GBE1: variants seen among roughly 807,000 people sequenced by gnomAD.
The protein encoded by GBE1 is 1,4-alpha-glucan branching enzyme 1.
GBE1 carries 70 observed loss-of-function variants against 88.8 expected under a neutral mutation model. That is an observed-to-expected ratio of 0.79 (90% CI 0.65 to 0.96). The LOEUF is 0.96. Ranked by LOEUF, GBE1 falls within the 40% of genes least tolerant of loss-of-function variation. The pLI, the probability that GBE1 is intolerant of heterozygous loss-of-function variation, is 0.00. For synonymous variants in GBE1, 284 were observed against 300.1 expected, an observed-to-expected ratio of 0.95 and a Z score of 0.56; for missense variants, 872 against 871.0, an observed-to-expected ratio of 1.00 and a Z score of -0.01.
intron 12 of GBE1, among the ~76,000 whole-genome samples, chr3:81,563,453 G>T (rs1428001540): frequency 6.6e-6 from 1 of 152,122 alleles, no homozygotes; most frequent in Non-Finnish European, 1.5e-5. Flanking sequence ...ATAAAGTGAG[G>T]CTGTCACTCA....
chr3:81,588,338 A>G (rs1418847470), intron 9 of GBE1, among the ~76,000 whole-genome samples: 1 of 152,168 alleles, frequency 6.6e-6, no homozygotes, highest in Non-Finnish European at 1.5e-5. Context: ...ATCAGGCACC[A>G]TATTAGGAAC....
chr3:81,543,452 T>C (rs1327924476), intron 12 of GBE1, among the ~76,000 whole-genome samples: 1 of 151,998 alleles, frequency 6.6e-6, no homozygotes, highest in East Asian at 1.9e-4. Context: ...ATAAAATAAA[T>C]GGAAGCAAAT....
intron 2 of GBE1, among the ~76,000 whole-genome samples, chr3:81,695,106 A>T (rs911050170): frequency 2.0e-5 from 3 of 152,210 alleles, no homozygotes; most frequent in African/African-American, 7.2e-5. Context: ...CTACATTTTA[A>T]TCCCCTCAAC....
chr3:81,546,663 G>A (rs760218996), intron 12 of GBE1, among the ~76,000 whole-genome samples: 3 of 151,520 alleles, frequency 2.0e-5, no homozygotes, highest in Non-Finnish European at 3.0e-5. Context: ...AAATGCCATG[G>A]CAACATCAGG....
intron 7 of GBE1, among the ~76,000 whole-genome samples, chr3:81,599,845 A>T (rs749547691): frequency 6.6e-6 from 1 of 152,244 alleles, no homozygotes; most frequent in Non-Finnish European, 1.5e-5. Context: ...GACAAATGTC[A>T]TATTAATACC....
At chr3:81,622,622 A>G (rs1704348445) in intron 7 of GBE1, among the ~76,000 whole-genome samples, 1 of 152,194 alleles carries the variant, frequency 6.6e-6, no homozygotes, top group African/African-American at 2.4e-5. Flanking sequence ...TTCCACTTAC[A>G]TAGCAAACAT....
intron 14 of GBE1, among the ~76,000 whole-genome samples, chr3:81,500,902 G>A (rs552940270): frequency 1.3e-5 from 2 of 152,134 alleles, no homozygotes; most frequent in Non-Finnish European, 2.9e-5. Flanking sequence ...GAGAACATGA[G>A]GTATTTGGTT....
intron 2 of GBE1, among the ~76,000 whole-genome samples, chr3:81,692,960 AT>A (rs1159847003): frequency 6.6e-6 from 1 of 152,182 alleles, no homozygotes; most frequent in Non-Finnish European, 1.5e-5. Context: ...ATGGGAATGA[AT>A]GCTTTGCTAT....
intron 1 of GBE1, among the ~76,000 whole-genome samples, chr3:81,755,694 T>C (rs1346027148): frequency 1.3e-5 from 2 of 152,052 alleles, no homozygotes; most frequent in Non-Finnish European, 2.9e-5. Flanking sequence ...CTGGAGACCA[T>C]TATGTTAAGT....
chr3:81,530,379 G>A (rs1214890978), intron 14 of GBE1, among the ~76,000 whole-genome samples: 1 of 151,884 alleles, frequency 6.6e-6, no homozygotes, highest in Non-Finnish European at 1.5e-5. Flanking sequence ...GGAAGGTCGT[G>A]ATGTTTGTGG....
chr3:81,598,179 T>A (rs1037750061), intron 7 of GBE1, among the ~76,000 whole-genome samples: 1 of 151,984 alleles, frequency 6.6e-6, no homozygotes, highest in Non-Finnish European at 1.5e-5. Context: ...CTAAACCTAC[T>A]AATATTGTAT....
At chr3:81,723,983 A>G (rs990179899) in intron 1 of GBE1, among the ~76,000 whole-genome samples, 2 of 152,150 alleles carry the variant, frequency 1.3e-5, no homozygotes, top group African/African-American at 4.8e-5. Context: ...CTTTGTTTTT[A>G]TTTCTAATCC....
At chr3:81,659,002 A>T (rs3772908) in intron 3 of GBE1, among the ~76,000 whole-genome samples, 21,088 of 152,202 alleles carry the variant, frequency 0.14, 1,594 homozygotes, top group Non-Finnish European at 0.18. Context: ...CAAGATATTG[A>T]AAGATCAATA....
At chr3:81,726,263 G>T (rs1344113174) in intron 1 of GBE1, among the ~76,000 whole-genome samples, 1 of 152,062 alleles carries the variant, frequency 6.6e-6, no homozygotes, top group Admixed American at 6.6e-5. Flanking sequence ...GTGCTTTGGT[G>T]GTAACCAGGC....
At chr3:81,740,217 C>G (rs564290356) in intron 1 of GBE1, among the ~76,000 whole-genome samples, 1 of 152,044 alleles carries the variant, frequency 6.6e-6, no homozygotes, top group African/African-American at 2.4e-5. Context: ...AGAATGAAAC[C>G]CTTTCTCAAA....
At chr3:81,512,810 A>C (rs1360667958) in intron 14 of GBE1, among the ~76,000 whole-genome samples, 1 of 151,872 alleles carries the variant, frequency 6.6e-6, no homozygotes, top group Non-Finnish European at 1.5e-5. Flanking sequence ...AAGTATTCGC[A>C]TATTGTAAAT....
At chr3:81,648,760 C>G (rs1251653148) in intron 5 of GBE1, 96 bp downstream of exon 5, 1 of 678,328 alleles carries the variant, frequency 1.5e-6, no homozygotes, top group Non-Finnish European at 2.3e-6. Flanking sequence ...TATTTAATCT[C>G]CTAACACAAA....
rs35149061 is a variant in GBE1 at position 81,501,686 on chromosome 3, C to CTTTTTTTTTTTTTTTTT, written c.1935-2476_1935-2460dup. 2.6e-4 allele frequency among the ~76,000 whole-genome samples: 19 copies of CTTTTTTTTTTTTTTTTT among 71,994 alleles called. 3 individuals carry two copies. Among genetic ancestry groups the CTTTTTTTTTTTTTTTTT allele is most frequent in the African/African-American group, 1.1e-3 (18 of 16,768 alleles). The allele number at this position is 71,994 out of a possible 152,430, so 47.2% of individuals were successfully genotyped here. ...GAATTCCCTCATTTACTTAGGGGCACTTTTTTTTTTTTTTTTTTTTTTTTT... is the reference window on the plus strand; with the variant it reads ...GAATTCCCTCATTTACTTAGGGGCACTTTTTTTTTTTTTTTTTTTTTTTTTTTTTTTTTTTTTTTTTT... On this transcript the variant is annotated intron_variant, in intron 14 of 15. Coordinates refer to ENST00000429644, the MANE Select transcript of GBE1 (RefSeq NM_000158.4).
At chr3:81,588,144 T>C (rs971186974) in intron 9 of GBE1, among the ~76,000 whole-genome samples, 2 of 151,650 alleles carry the variant, frequency 1.3e-5, no homozygotes, top group Non-Finnish European at 2.9e-5. Flanking sequence ...TAAGTAAATA[T>C]ATTATATGGT....
Sources: allele counts gnomAD v4.1 joint callset (sites outside exome capture counted in the v4.1 genomes callset), GRCh38; gene constraint gnomAD v4.1.1; transcripts MANE v1.5; gene names NCBI Gene and HGNC (gene_info 2026-07-23, HGNC 2026-07-21).